The following BRINP1 variants were observed in gnomAD, a reference collection of about 807,000 sequenced individuals.
BRINP1 encodes BMP/retinoic acid-inducible neural-specific protein 1.
Under a neutral mutation model 72.9 loss-of-function variants are expected in BRINP1, and 17 were observed. The observed-to-expected ratio is 0.23, with a 90% confidence interval of 0.16 to 0.35. The LOEUF (loss-of-function observed/expected upper bound fraction) is 0.35, where lower values mean the gene tolerates loss of function less well. Ranked by LOEUF, BRINP1 falls within the 10% of genes least tolerant of loss-of-function variation. The probability of loss-of-function intolerance (pLI) is 1.00; values close to 1 mark genes in which losing one functional copy is unlikely to be tolerated. For synonymous variants in BRINP1, 418 were observed against 378.5 expected, an observed-to-expected ratio of 1.10 and a Z score of -1.21; for missense variants, 850 against 1,001.6, an observed-to-expected ratio of 0.85 and a Z score of 2.04.
chr9:119,210,634 G>C (rs1022310126), intron 6 of BRINP1, among the ~76,000 whole-genome samples: 1 of 151,970 alleles, frequency 6.6e-6, no homozygotes, highest in African/African-American at 2.4e-5. Context: ...CAATCCCGAG[G>C]CTCAGTACAT....
intron 7 of BRINP1, among the ~76,000 whole-genome samples, chr9:119,174,977 G>C (rs972648217): frequency 6.7e-6 from 1 of 150,130 alleles, no homozygotes; most frequent in Admixed American, 6.6e-5. Context: ...TGGGGTGGGG[G>C]GAGGAGGGAG....
At chr9:119,171,926 G>T (rs1829415421) in intron 7 of BRINP1, among the ~76,000 whole-genome samples, 1 of 130,318 alleles carries the variant, frequency 7.7e-6, no homozygotes, top group South Asian at 2.7e-4. Flanking sequence ...GATGTTCTTT[G>T]AAACCAACGA....
intron 7 of BRINP1, among the ~76,000 whole-genome samples, chr9:119,169,709 C>A (rs1204809352): frequency 8.5e-5 from 12 of 141,818 alleles, no homozygotes; most frequent in Admixed American, 8.4e-4. Flanking sequence ...CAGCAGTAAC[C>A]TCTGCAGACT....
At chr9:119,177,883 T>A (rs978891012) in intron 7 of BRINP1, among the ~76,000 whole-genome samples, 54 of 152,234 alleles carry the variant, frequency 3.5e-4, no homozygotes, top group African/African-American at 1.3e-3. Flanking sequence ...GGTTGTGGGC[T>A]GTATCAAAGA....
rs992725527 is a variant in BRINP1, at chr9:119,184,088, G to A, written c.1146-15864C>T. ...AAGCTACTTCCGAGCCACAGGGGGG[G>A]AGAAAAAAAGAAAAAACCAAAAACA... On this transcript the variant is annotated intron_variant, in intron 7 of 7. Transcript: ENST00000265922. Among the ~76,000 whole-genome samples the A allele has an allele frequency of 3.3e-5, 5 of 152,010 alleles. 1 individual carries two copies. The highest frequency in any genetic ancestry group is 4.8e-5 in the African/African-American group (2 of 41,410).
At chr9:119,207,104 G>A (rs887201553) in intron 7 of BRINP1, among the ~76,000 whole-genome samples, 3 of 152,168 alleles carry the variant, frequency 2.0e-5, no homozygotes, top group African/African-American at 4.8e-5. Context: ...CTAAGGAAAG[G>A]ATTTTAGATT....
chr9:119,246,517 A>G (rs1340527027), intron 3 of BRINP1, among the ~76,000 whole-genome samples: 1 of 152,118 alleles, frequency 6.6e-6, no homozygotes, highest in Non-Finnish European at 1.5e-5. Flanking sequence ...ATGACCTATT[A>G]TGGGACCTTG....
At chr9:119,206,524 A>C (rs1026259628) in intron 7 of BRINP1, among the ~76,000 whole-genome samples, 4 of 151,750 alleles carry the variant, frequency 2.6e-5, no homozygotes, top group African/African-American at 9.7e-5. Flanking sequence ...ACAACCATCC[A>C]CAAGCCAGAA....
intron 2 of BRINP1, among the ~76,000 whole-genome samples, chr9:119,277,031 T>A (rs1830663762): frequency 6.6e-6 from 1 of 152,182 alleles, no homozygotes; most frequent in Non-Finnish European, 1.5e-5. Flanking sequence ...TAGTTTTGCC[T>A]TGTTCAGAAA....
chr9:119,331,993 G>T (rs1223663908), intron 1 of BRINP1, among the ~76,000 whole-genome samples: 2 of 152,194 alleles, frequency 1.3e-5, no homozygotes, highest in Admixed American at 1.3e-4. Context: ...AAGATCAGCA[G>T]GATCAGCTGA....
intron 2 of BRINP1, among the ~76,000 whole-genome samples, chr9:119,262,482 AT>A (rs1006940685): frequency 6.6e-6 from 1 of 151,826 alleles, no homozygotes; most frequent in Non-Finnish European, 1.5e-5. Context: ...AAATAAAAAA[AT>A]AAAATAAAAA....
intron 2 of BRINP1, among the ~76,000 whole-genome samples, chr9:119,297,051 G>A (rs1266199703): frequency 6.6e-6 from 1 of 152,136 alleles, no homozygotes; most frequent in East Asian, 1.9e-4. Context: ...AATAGTTACT[G>A]TGTGGGTGAT....
rs767011931 is a variant in BRINP1, at chr9:119,168,081, A to G, written c.1289T>C (p.Ile430Thr). 1.2e-6 allele frequency: 2 copies of G among 1,610,664 alleles called. No homozygotes were observed. The highest frequency in any genetic ancestry group is 1.7e-5 in the Admixed American group (1 of 59,664). Reference protein sequence around the residue: ...TLCQRPIPCVIGGNNSCAMCS... With the variant: ...TLCQRPIPCVTGGNNSCAMCS... ...CATGGCGCAGCTGTTGTTCCCGCCT[A>G]TCACGCAGGGGATGGGGCGCTGGCA... Residue 430 changes from isoleucine to threonine, a missense_variant, in exon 8 of 8, where the codon ATA becomes ACA. Coordinates refer to ENST00000265922, the MANE Select transcript of BRINP1 (RefSeq NM_014618.3).
At chr9:119,170,324 C>G (rs1421083671) in intron 7 of BRINP1, among the ~76,000 whole-genome samples, 1 of 151,584 alleles carries the variant, frequency 6.6e-6, no homozygotes, top group Non-Finnish European at 1.5e-5. Context: ...TCGAGAACTA[C>G]GTGTAGAATG....
At chr9:119,309,050 A>T (rs1168848840) in intron 2 of BRINP1, among the ~76,000 whole-genome samples, 1 of 152,202 alleles carries the variant, frequency 6.6e-6, no homozygotes, top group African/African-American at 2.4e-5. Flanking sequence ...TGACTTTGAA[A>T]TTACCATGAG....
rs1386272228 is a variant in BRINP1 at position 119,368,453 on chromosome 9, G to T, written c.-51+603C>A. 2.0e-5 allele frequency among the ~76,000 whole-genome samples: 3 copies of T among 151,858 alleles called. No homozygotes were observed. The highest frequency in any genetic ancestry group is 4.4e-5 in the Non-Finnish European group (3 of 68,006). On this transcript the variant is annotated intron_variant, in intron 1 of 7. Transcript: ENST00000265922. The surrounding 1 kb of genome is among the most constrained non-coding windows in gnomAD (Gnocchi z 4.7). ...TTTTCCTTCAAGCGTACCAACATTG[G>T]GCTAAATAAGGTGCCATCTACAGCC... is the stretch of plus-strand genomic sequence containing the variant.
chr9:119,193,805 C>T (rs1037917218), intron 7 of BRINP1, among the ~76,000 whole-genome samples: 4 of 152,202 alleles, frequency 2.6e-5, no homozygotes, highest in Non-Finnish European at 4.4e-5. Context: ...CCCGTAAAGA[C>T]AACAGGTCTA....
intron 2 of BRINP1, among the ~76,000 whole-genome samples, chr9:119,274,148 G>A (rs1830632051): frequency 6.6e-6 from 1 of 152,172 alleles, no homozygotes; most frequent in African/African-American, 2.4e-5. Context: ...TCATTCTCCA[G>A]GTTGCCCAGC....
chr9:119,350,852 ATAG>A (rs555200298), intron 1 of BRINP1, among the ~76,000 whole-genome samples: 100 of 152,238 alleles, frequency 6.6e-4, no homozygotes, highest in African/African-American at 1.8e-3. Flanking sequence ...TATCAGAAAC[ATAG>A]TAGATGTTCA....
Sources: allele counts gnomAD v4.1 joint callset (sites outside exome capture counted in the v4.1 genomes callset), GRCh38; gene constraint gnomAD v4.1.1; non-coding constraint Gnocchi (gnomAD v3.1); transcripts MANE v1.5; gene names NCBI Gene and HGNC (gene_info 2026-07-23, HGNC 2026-07-21).